Variants in PLEKHA5 observed in about 807,000 individuals in gnomAD.
PLEKHA5 encodes the protein pleckstrin homology domain containing A5.
PLEKHA5 carries 55 observed loss-of-function variants against 181.9 expected under a neutral mutation model. That is an observed-to-expected ratio of 0.30 (90% confidence interval 0.24 to 0.38). The LOEUF is 0.38. PLEKHA5 is among the 10% of genes least tolerant of loss of function. The pLI is 1.00. For synonymous variants in PLEKHA5, 535 were observed against 529.4 expected, an observed-to-expected ratio of 1.01 and a Z score of -0.15; for missense variants, 1,432 against 1,549.5, an observed-to-expected ratio of 0.92 and a Z score of 1.27.
At chr12:19,192,490 G>A (rs2051389259) in intron 3 of PLEKHA5, among the ~76,000 whole-genome samples, 1 of 152,152 alleles carries the variant, frequency 6.6e-6, no homozygotes, top group Non-Finnish European at 1.5e-5. Flanking sequence ...TTGAAGTCAG[G>A]AGTTCAAGAC....
intron 11 of PLEKHA5, among the ~76,000 whole-genome samples, chr12:19,275,734 C>G (rs2074318144): frequency 6.6e-6 from 1 of 152,048 alleles, no homozygotes; most frequent in African/African-American, 2.4e-5. Flanking sequence ...TGCCAGTGCA[C>G]TCCAGCGTGG....
At chr12:19,236,164 C>A (rs1245824605) in intron 3 of PLEKHA5, among the ~76,000 whole-genome samples, 1 of 152,176 alleles carries the variant, frequency 6.6e-6, no homozygotes, top group Non-Finnish European at 1.5e-5. Flanking sequence ...TAAATACCAA[C>A]AAACTCTGGT....
intron 10 of PLEKHA5, among the ~76,000 whole-genome samples, chr12:19,273,805 A>G (rs1427791004): frequency 1.3e-5 from 2 of 152,194 alleles, no homozygotes; most frequent in East Asian, 3.9e-4. Context: ...TAATGGTAAA[A>G]TAAGGTCTGT....
chr12:19,251,916 G>T, intron 3 of PLEKHA5, among the ~76,000 whole-genome samples: 3 of 152,144 alleles, frequency 2.0e-5, no homozygotes, highest in Admixed American at 2.0e-4. Context: ...CCACTCCTCC[G>T]TTGTGCCAAG....
At chr12:19,222,719 T>C (rs1196611947) in intron 3 of PLEKHA5, among the ~76,000 whole-genome samples, 1 of 152,164 alleles carries the variant, frequency 6.6e-6, no homozygotes, top group Non-Finnish European at 1.5e-5. Context: ...TCTTTAATTC[T>C]GGAATGACAA....
In PLEKHA5 at chr12:19,374,964, GATA is replaced by G. The variant is rs964977969; in HGVS notation, c.*12-552_*12-550del. Reference sequence around the variant, plus strand: ...AGCAAGACTCCGTCTCCAAAATGATGATAATAATAATAATAATGAAGAGAAGGA... The same window carrying G: ...AGCAAGACTCCGTCTCCAAAATGATGATAATAATAATAATGAAGAGAAGGA... On this transcript the variant is annotated intron_variant, in intron 31 of 31. Coordinates refer to ENST00000429027, the MANE Select transcript of PLEKHA5 (RefSeq NM_001256470.2). Among the ~76,000 whole-genome samples, 26 of 151,610 alleles carry G rather than the reference GATA, an allele frequency of 1.7e-4. No individual in the cohort carries two copies. In the East Asian group the frequency reaches 3.9e-3, roughly 23 times the overall value.
At chr12:19,340,824 G>A (rs949133626) in intron 21 of PLEKHA5, among the ~76,000 whole-genome samples, 8 of 149,872 alleles carry the variant, frequency 5.3e-5, no homozygotes, top group Admixed American at 4.7e-4. Flanking sequence ...GCGGAAGGCC[G>A]CAGGGTCCTC....
rs187014278 is a variant in PLEKHA5, at chr12:19,146,812, A to G, written c.227+14362A>G. On this transcript the variant is annotated intron_variant, in intron 3 of 31. Coordinates refer to ENST00000429027, the MANE Select transcript of PLEKHA5 (RefSeq NM_001256470.2). ...CTGTGGGCACCAAGAATTGTGGTGA[A>G]GTGGAAAGTAGCAATGTGTTAGACC... 1.6e-4 allele frequency among the ~76,000 whole-genome samples: 25 copies of G among 152,318 alleles called. No homozygotes were observed. In the East Asian group the frequency reaches 2.9e-3, roughly 18 times the overall value.
intron 22 of PLEKHA5, among the ~76,000 whole-genome samples, chr12:19,345,317 T>A (rs1488175356): frequency 2.0e-5 from 3 of 151,172 alleles, no homozygotes; most frequent in Non-Finnish European, 4.4e-5. Context: ...GAAGAATTGC[T>A]TGAACCTGGG....
intron 30 of PLEKHA5, 91 bp from the exon 31 acceptor site, chr12:19,369,602 C>G: frequency 1.5e-6 from 1 of 675,686 alleles, no homozygotes; most frequent in Non-Finnish European, 2.6e-6. Context: ...AAAACATGTT[C>G]TAATTTTTGT....
In PLEKHA5 at chr12:19,216,070, C is replaced by T. The variant is rs142494145; in HGVS notation, c.228-37870C>T. Among the ~76,000 whole-genome samples the T allele has an allele frequency of 2.4e-3, 365 of 152,162 alleles. 5 individuals are homozygous for T. The highest frequency in any genetic ancestry group is 8.3e-3 in the African/African-American group (343 of 41,498). On this transcript the variant is annotated intron_variant, in intron 3 of 31. Transcript: ENST00000429027. ...TGTAATTGAACTTCAGTTTTAGCTCCGTTTCCCATTGTAAAAGGGAAATAT... is the reference window on the plus strand; with the variant it reads ...TGTAATTGAACTTCAGTTTTAGCTCTGTTTCCCATTGTAAAAGGGAAATAT...
At chr12:19,253,207 T>A (rs1437479761) in intron 3 of PLEKHA5, among the ~76,000 whole-genome samples, 1 of 150,634 alleles carries the variant, frequency 6.6e-6, no homozygotes, top group African/African-American at 2.4e-5. Context: ...CCCGAGTAGC[T>A]GGGATTACAG....
intron 15 of PLEKHA5, among the ~76,000 whole-genome samples, chr12:19,298,270 A>G (rs1190259348): frequency 6.6e-6 from 1 of 152,146 alleles, no homozygotes; most frequent in African/African-American, 2.4e-5. Context: ...TGAAATAATA[A>G]TAATGGCAGA....
Position 19,316,432 on chromosome 12 carries a change from G to C in PLEKHA5, c.2118+1538G>C, listed in dbSNP as rs182346202. ...AGATCTGAAATGGGAAGGGCTGAGG[G>C]GGGGGAAAGTGAAGATGTCTGAGAC... On this transcript the variant is annotated intron_variant, in intron 16 of 31. Coordinates refer to ENST00000429027, the MANE Select transcript of PLEKHA5 (RefSeq NM_001256470.2). Among the ~76,000 whole-genome samples, 636 of 149,746 alleles carry C rather than the reference G, an allele frequency of 4.2e-3. 13 individuals carry two copies. The East Asian group carries it at 0.063, about 15-fold the overall frequency.
At chr12:19,209,913 A>G (rs1046315853) in intron 3 of PLEKHA5, among the ~76,000 whole-genome samples, 2 of 152,226 alleles carry the variant, frequency 1.3e-5, no homozygotes, top group African/African-American at 4.8e-5. Flanking sequence ...CTCCACCACA[A>G]CAATGCTCCT....
At chr12:19,269,279 C>T (rs1441681707) in intron 8 of PLEKHA5, among the ~76,000 whole-genome samples, 1 of 151,108 alleles carries the variant, frequency 6.6e-6, no homozygotes, top group African/African-American at 2.4e-5. Flanking sequence ...CCCAGCTAAT[C>T]GGGATGCTGA....
intron 16 of PLEKHA5, among the ~76,000 whole-genome samples, chr12:19,317,148 C>G (rs1220447129): frequency 6.6e-6 from 1 of 152,096 alleles, no homozygotes; most frequent in East Asian, 1.9e-4. Context: ...TGAAGGATCG[C>G]TTGAGGCCAG....
intron 8 of PLEKHA5, among the ~76,000 whole-genome samples, chr12:19,268,413 T>A (rs564379553): frequency 6.6e-6 from 1 of 152,326 alleles, no homozygotes; most frequent in South Asian, 2.1e-4. Flanking sequence ...ACCATACATG[T>A]TAAGTATATT....
chr12:19,172,584 A>G (rs1380315013), intron 3 of PLEKHA5, among the ~76,000 whole-genome samples: 2 of 152,232 alleles, frequency 1.3e-5, no homozygotes, highest in Non-Finnish European at 2.9e-5. Context: ...AGTTATATAC[A>G]TCGCATACCT....
Sources: gnomAD v4.1 joint callset for allele counts (sites outside exome capture counted in the v4.1 genomes callset) on GRCh38, gnomAD v4.1.1 for gene constraint, MANE v1.5 for transcripts, NCBI Gene and HGNC (gene_info 2026-07-23, HGNC 2026-07-21) for gene names.